The following ZNF410 variants were observed in gnomAD, a reference collection of about 807,000 sequenced individuals.
The protein encoded by ZNF410 is another partner for ARF 1.
A neutral mutation model predicts 54.8 loss-of-function variants in ZNF410; 18 were observed. The ratio of observed to expected loss-of-function variants is 0.33; its 90% CI spans 0.23 to 0.49. ZNF410 has a LOEUF of 0.49. ZNF410 is among the 20% of genes least tolerant of loss of function. The pLI is 0.99. For missense variants in ZNF410, 405 were observed against 569.6 expected (o/e 0.71, Z 2.94); for synonymous variants, 191 against 207.3 (o/e 0.92, Z 0.68).
chr14:73,923,584 A>C (rs2055786465), intron 11 of ZNF410, 62 bp downstream of exon 11: 8 of 1,555,526 alleles, frequency 5.1e-6, no homozygotes, highest in Non-Finnish European at 7.0e-6. Context: ...TTGAGAATTT[A>C]GAGGACCTGA....
intron 8 of ZNF410, among the ~76,000 whole-genome samples, chr14:73,912,737 T>C (rs1176577299): frequency 6.6e-6 from 1 of 152,256 alleles, no homozygotes; most frequent in East Asian, 1.9e-4. Flanking sequence ...TAGTATTTCA[T>C]GTTTGATGCT....
At chr14:73,921,541 C>T (rs557283019) in intron 9 of ZNF410, among the ~76,000 whole-genome samples, 8 of 152,072 alleles carry the variant, frequency 5.3e-5, no homozygotes, top group Non-Finnish European at 8.8e-5. Flanking sequence ...GCAGTGGCGC[C>T]ATCTCGACTC....
intron 5 of ZNF410, among the ~76,000 whole-genome samples, chr14:73,901,971 T>C (rs7152423): frequency 0.34 from 50,930 of 150,714 alleles, 9,673 homozygotes; most frequent in Non-Finnish European, 0.42. Context: ...GAAAAAAGCA[T>C]GATGTTAACA....
intron 3 of ZNF410, among the ~76,000 whole-genome samples, chr14:73,894,705 G>A (rs796486745): frequency 2.0e-5 from 3 of 152,258 alleles, no homozygotes; most frequent in South Asian, 4.2e-4. Flanking sequence ...GAGATTACAG[G>A]CGTGAGCCAC....
In ZNF410 at chr14:73,932,494, TA is replaced by T; in HGVS notation, c.*958del. On this transcript the variant is annotated 3_prime_UTR_variant, in exon 12 of 12. Coordinates refer to ENST00000555044, the MANE Select transcript of ZNF410 (RefSeq NM_021188.3). ...AAAGACGCATCTGAGAAAATGGCAATAAAAACAGATACTTCTGAATTTTTCC... is the reference window on the plus strand; with the variant it reads ...AAAGACGCATCTGAGAAAATGGCAATAAAACAGATACTTCTGAATTTTTCC... 2.2e-6 allele frequency: 1 copy of T among 452,726 alleles called. No individual in the cohort carries two copies. Among genetic ancestry groups the T allele is most frequent in the Non-Finnish European group, 4.4e-6 (1 of 226,092 alleles). The allele number at this position is 452,726 out of a possible 1,614,324, so 28.0% of individuals were successfully genotyped here. A position where few individuals can be genotyped will look rare whatever the true frequency, so the allele number is the denominator to read the frequency against.
chr14:73,888,742 C>G lies in ZNF410; in HGVS notation c.-150+1827C>G, dbSNP rs572687461. Among the ~76,000 whole-genome samples the G allele has an allele frequency of 2.0e-5, 3 of 152,284 alleles. No individual in the cohort carries two copies. The East Asian group carries it at 5.8e-4, about 29-fold the overall frequency. Reference sequence around the variant, plus strand: ...TGTGTATTTGCCGTTACACCTATAGCTAATGTACATAGTACGTTGCTCTGT... The same window carrying G: ...TGTGTATTTGCCGTTACACCTATAGGTAATGTACATAGTACGTTGCTCTGT... On this transcript the variant is annotated intron_variant, in intron 1 of 11. Transcript: ENST00000555044.
intron 11 of ZNF410, chr14:73,924,622 A>G (rs1594767544): frequency 7.0e-6 from 3 of 426,644 alleles, no homozygotes; most frequent in Non-Finnish European, 1.4e-5. Context: ...TGTAGCTTGG[A>G]TCCTTTCAGT....
At chr14:73,892,308 A>G (rs2055242333) in intron 2 of ZNF410, 100 bp downstream of exon 2, 2 of 1,137,078 alleles carry the variant, frequency 1.8e-6, no homozygotes, top group Admixed American at 5.0e-5. Flanking sequence ...AATGGGCCAG[A>G]TAATAAATAT....
intron 1 of ZNF410, among the ~76,000 whole-genome samples, chr14:73,889,899 C>T (rs781155430): frequency 6.7e-6 from 1 of 150,372 alleles, no homozygotes; most frequent in Non-Finnish European, 1.5e-5. Flanking sequence ...TAGGTCCAAG[C>T]GATTCCCCTA....
rs555260623 is a variant in ZNF410 at position 73,915,219 on chromosome 14, G to A, written c.1004-5761G>A. Among the ~76,000 whole-genome samples the A allele has an allele frequency of 5.5e-5, 8 of 146,724 alleles. No homozygotes were observed. In the East Asian group the frequency reaches 1.3e-3, roughly 24 times the overall value. ...GGAGGTTGCAGTGAGTCGAGATCGCGCCACTGCACTCTAGCCTGGGTGATA... is the reference window on the plus strand; with the variant it reads ...GGAGGTTGCAGTGAGTCGAGATCGCACCACTGCACTCTAGCCTGGGTGATA... On this transcript the variant is annotated intron_variant, in intron 8 of 11. Coordinates refer to ENST00000555044, the MANE Select transcript of ZNF410 (RefSeq NM_021188.3).
intron 4 of ZNF410, 96 bp downstream of exon 4, chr14:73,896,630 T>TA (rs1483453329): frequency 5.3e-5 from 48 of 907,030 alleles, no homozygotes; most frequent in Non-Finnish European, 7.3e-5. Flanking sequence ...AGAAAGAACC[T>TA]TTATTATTTT....
intron 11 of ZNF410, among the ~76,000 whole-genome samples, chr14:73,926,922 A>G (rs758537257): frequency 2.6e-5 from 4 of 152,088 alleles, no homozygotes; most frequent in Admixed American, 2.0e-4. Context: ...CTTGCTTCCT[A>G]TTACATCTCA....
intron 6 of ZNF410, 42 bp downstream of exon 6, chr14:73,904,152 C>G (rs181334427): frequency 3.2e-6 from 5 of 1,577,890 alleles, no homozygotes; most frequent in East Asian, 4.5e-5. Flanking sequence ...TACGTTGATG[C>G]AAAAGTTGAT....
intron 6 of ZNF410, 106 bp from the exon 7 acceptor site, chr14:73,904,796 A>G (rs940615121): frequency 1.0e-5 from 13 of 1,261,464 alleles, no homozygotes; most frequent in Non-Finnish European, 1.4e-5. Flanking sequence ...TGATATATCC[A>G]GTTTTTGGAC....
intron 9 of ZNF410, among the ~76,000 whole-genome samples, 176 bp from the exon 10 acceptor site, chr14:73,921,890 C>G (rs888992256): frequency 2.0e-5 from 3 of 152,118 alleles, no homozygotes; most frequent in African/African-American, 7.3e-5. Context: ...CTAAGGCTTA[C>G]TCTTTCCCTT....
chr14:73,896,735 T>C (rs1323479634), intron 4 of ZNF410, among the ~76,000 whole-genome samples: 1 of 152,136 alleles, frequency 6.6e-6, no homozygotes, highest in Non-Finnish European at 1.5e-5. Context: ...TGGGAAATTA[T>C]GTAGTGCCAT....
intron 7 of ZNF410, among the ~76,000 whole-genome samples, chr14:73,908,433 C>T (rs1222663158): frequency 6.6e-6 from 1 of 151,920 alleles, no homozygotes; most frequent in East Asian, 1.9e-4. Flanking sequence ...CTTTCAATAA[C>T]TTTTTGAGTA....
intron 5 of ZNF410, chr14:73,898,553 C>T (rs926367030): frequency 2.0e-6 from 1 of 487,992 alleles, no homozygotes; most frequent in African/African-American, 2.0e-5. Flanking sequence ...TGTAATGTCT[C>T]TTAAATATGC....
intron 10 of ZNF410, 41 bp downstream of exon 10, chr14:73,922,247 G>A (rs1247274315): frequency 6.3e-7 from 1 of 1,593,914 alleles, no homozygotes; most frequent in Middle Eastern, 2.0e-4. Context: ...AAAATGGGCT[G>A]CAACTAGGGG....
Sources: allele counts gnomAD v4.1 joint callset (sites outside exome capture counted in the v4.1 genomes callset), GRCh38; gene constraint gnomAD v4.1.1; transcripts MANE v1.5; gene names NCBI Gene and HGNC (gene_info 2026-07-23, HGNC 2026-07-21).